Variants in AKAIN1 observed in about 807,000 individuals in gnomAD.
AKAIN1 encodes the protein A-kinase anchor protein inhibitor 1.
A neutral mutation model predicts 3.7 loss-of-function variants in AKAIN1; 3 were observed. That is an observed-to-expected ratio of 0.82 (90% confidence interval 0.37 to 2.12). The LOEUF is 2.12. AKAIN1 is among the 30% of genes most tolerant of loss of function. The pLI, the probability that AKAIN1 is intolerant of heterozygous loss-of-function variation, is 0.06. For missense variants in AKAIN1, 82 were observed against 82.7 expected (o/e 0.99, Z 0.03); for synonymous variants, 31 against 30.8 (o/e 1.01, Z -0.02).
chr18:5,184,079 G>C (rs1300900635), intron 1 of AKAIN1, among the ~76,000 whole-genome samples: 1 of 152,016 alleles, frequency 6.6e-6, no homozygotes, highest in East Asian at 1.9e-4. Flanking sequence ...AAGAACATTT[G>C]TTTATAGTAT....
intron 1 of AKAIN1, among the ~76,000 whole-genome samples, chr18:5,192,750 G>A (rs1334710705): frequency 6.6e-6 from 1 of 152,070 alleles, no homozygotes; most frequent in Non-Finnish European, 1.5e-5. Flanking sequence ...GCAAATCCAT[G>A]GGGATAGGAA....
chr18:5,182,643 G>A (rs1174975084), intron 1 of AKAIN1, among the ~76,000 whole-genome samples: 1 of 152,102 alleles, frequency 6.6e-6, no homozygotes, highest in Admixed American at 6.6e-5. Flanking sequence ...GAGAAGGAGA[G>A]ACTATAACTA....
intron 1 of AKAIN1, among the ~76,000 whole-genome samples, chr18:5,187,093 A>T (rs549594768): frequency 6.6e-6 from 1 of 152,296 alleles, no homozygotes; most frequent in East Asian, 1.9e-4. Flanking sequence ...AAACAGAATG[A>T]TCTAATATAA....
intron 1 of AKAIN1, among the ~76,000 whole-genome samples, chr18:5,180,575 G>C (rs1341332920): frequency 1.3e-5 from 2 of 152,120 alleles, no homozygotes; most frequent in Non-Finnish European, 1.5e-5. Context: ...TTAGAGTAAA[G>C]TAACTGTTAA....
chr18:5,156,110 CGTATT>C (rs1454639620), intron 1 of AKAIN1, among the ~76,000 whole-genome samples: 2 of 152,008 alleles, frequency 1.3e-5, no homozygotes, highest in Non-Finnish European at 2.9e-5. Flanking sequence ...ATTACTGGAC[CGTATT>C]ACCAGAACTC....
chr18:5,186,057 G>A (rs897708267), intron 1 of AKAIN1, among the ~76,000 whole-genome samples: 13 of 152,124 alleles, frequency 8.5e-5, no homozygotes, highest in Non-Finnish European at 1.6e-4. Flanking sequence ...AGCTGTAGGA[G>A]CTGGAGCTCC....
At chr18:5,191,378 T>C (rs903739169) in intron 1 of AKAIN1, among the ~76,000 whole-genome samples, 1 of 152,118 alleles carries the variant, frequency 6.6e-6, no homozygotes, top group African/African-American at 2.4e-5. Context: ...GGACATCAAA[T>C]TGTTTTTAAA....
chr18:5,187,143 A>G (rs1344088128), intron 1 of AKAIN1, among the ~76,000 whole-genome samples: 6 of 152,192 alleles, frequency 3.9e-5, no homozygotes, highest in Non-Finnish European at 8.8e-5. Flanking sequence ...AAACAAGAGC[A>G]AAACAAAGTC....
At chr18:5,185,865 A>G (rs1179231765) in intron 1 of AKAIN1, among the ~76,000 whole-genome samples, 4 of 152,166 alleles carry the variant, frequency 2.6e-5, no homozygotes, top group African/African-American at 9.7e-5. Context: ...TCTACCATAA[A>G]CACACATGCA....
intron 1 of AKAIN1, among the ~76,000 whole-genome samples, chr18:5,189,585 A>C (rs2143031895): frequency 1.3e-5 from 2 of 152,270 alleles, no homozygotes; most frequent in South Asian, 4.1e-4. Flanking sequence ...GACACAATTC[A>C]GTCCATGTCC....
At chr18:5,162,943 G>A (rs1247500759) in intron 1 of AKAIN1, among the ~76,000 whole-genome samples, 3 of 151,734 alleles carry the variant, frequency 2.0e-5, no homozygotes, top group Non-Finnish European at 4.4e-5. Flanking sequence ...AATCACCTAG[G>A]ACTGATAGTT....
intron 1 of AKAIN1, among the ~76,000 whole-genome samples, chr18:5,172,096 G>A (rs1346066772): frequency 1.3e-5 from 2 of 152,142 alleles, no homozygotes; most frequent in Non-Finnish European, 2.9e-5. Flanking sequence ...GATGCAGAAG[G>A]ACAAACTTCG....
At chr18:5,174,016 C>T (rs1003662210) in intron 1 of AKAIN1, among the ~76,000 whole-genome samples, 5 of 152,240 alleles carry the variant, frequency 3.3e-5, no homozygotes, top group African/African-American at 9.6e-5. Flanking sequence ...CAGAGCCCTC[C>T]CCTTGTATTC....
chr18:5,189,294 C>T (rs2071305258), intron 1 of AKAIN1, among the ~76,000 whole-genome samples: 2 of 152,284 alleles, frequency 1.3e-5, no homozygotes, highest in African/African-American at 4.8e-5. Context: ...TTATGAATAG[C>T]ACCTGGCATC....
intron 1 of AKAIN1, 147 bp from the exon 2 acceptor site, chr18:5,145,902 G>C (rs990043243): frequency 4.6e-6 from 3 of 656,174 alleles, no homozygotes; most frequent in Middle Eastern, 3.2e-4. Flanking sequence ...AAGCCCACTA[G>C]AGCACATACA....
intron 1 of AKAIN1, among the ~76,000 whole-genome samples, chr18:5,182,871 G>A (rs1373104194): frequency 6.6e-6 from 1 of 152,094 alleles, no homozygotes; most frequent in Non-Finnish European, 1.5e-5. Flanking sequence ...CAAGGACAGA[G>A]TCCATTTCTC....
At chr18:5,161,634 A>G (rs932297475) in intron 1 of AKAIN1, among the ~76,000 whole-genome samples, 2 of 152,110 alleles carry the variant, frequency 1.3e-5, no homozygotes, top group African/African-American at 4.8e-5. Flanking sequence ...TGCTATCCCA[A>G]TATTAACTGT....
chr18:5,157,524 C>T (rs2071114909), intron 1 of AKAIN1, among the ~76,000 whole-genome samples: 1 of 152,146 alleles, frequency 6.6e-6, no homozygotes, highest in Admixed American at 6.5e-5. Flanking sequence ...CATGTGTGAC[C>T]AGTCCCTGTC....
At chr18:5,179,129 C>T (rs966202164) in intron 1 of AKAIN1, among the ~76,000 whole-genome samples, 1 of 152,074 alleles carries the variant, frequency 6.6e-6, no homozygotes, top group Non-Finnish European at 1.5e-5. Context: ...GAAGTTTGGG[C>T]TTTTTGTGTA....
Sources: allele counts gnomAD v4.1 joint callset (sites outside exome capture counted in the v4.1 genomes callset), GRCh38; gene constraint gnomAD v4.1.1; transcripts MANE v1.5; gene names NCBI Gene and HGNC (gene_info 2026-07-23, HGNC 2026-07-21).